TNRC6B: variants seen among roughly 807,000 people sequenced by gnomAD.
TNRC6B encodes trinucleotide repeat-containing gene 6B protein.
A neutral mutation model predicts 203.6 loss-of-function variants in TNRC6B; 52 were observed. The observed-to-expected ratio is 0.26, with a 90% CI of 0.20 to 0.32. The LOEUF is 0.32. Ranked by LOEUF, TNRC6B falls within the 10% of genes least tolerant of loss-of-function variation. The pLI is 1.00. For synonymous variants in TNRC6B, 838 were observed against 845.7 expected, an observed-to-expected ratio of 0.99 and a Z score of 0.16; for missense variants, 1,923 against 2,286.2, an observed-to-expected ratio of 0.84 and a Z score of 3.24.
intron 1 of TNRC6B, among the ~76,000 whole-genome samples, chr22:40,207,479 T>C (rs1422563328): frequency 6.7e-6 from 1 of 149,200 alleles, no homozygotes; most frequent in African/African-American, 2.4e-5. Context: ...AATGAAAAAG[T>C]TGATACATGT....
At chr22:40,086,401 A>G (rs923244899) in intron 1 of TNRC6B, among the ~76,000 whole-genome samples, 3 of 152,168 alleles carry the variant, frequency 2.0e-5, no homozygotes, top group African/African-American at 7.2e-5. Context: ...ATTATTTTTT[A>G]TTGATGCTCA....
At chr22:40,258,070 C>T (rs1261911082) in intron 3 of TNRC6B, among the ~76,000 whole-genome samples, 1 of 58,710 alleles carries the variant, frequency 1.7e-5, no homozygotes, top group Non-Finnish European at 4.3e-5. Context: ...GGATACACAG[C>T]CTTTTTTTTT....
intron 1 of TNRC6B, among the ~76,000 whole-genome samples, chr22:40,082,910 A>G (rs112040221): frequency 0.012 from 1,790 of 152,300 alleles, 35 homozygotes; most frequent in African/African-American, 0.041. Flanking sequence ...TTAAAATTTG[A>G]TTATATTAAG....
chr22:40,242,363 A>G (rs1015686719), intron 1 of TNRC6B, among the ~76,000 whole-genome samples: 123 of 152,148 alleles, frequency 8.1e-4, no homozygotes, highest in African/African-American at 2.6e-3. Flanking sequence ...AGTTTTCTCC[A>G]TTTTCTTCCA....
intron 1 of TNRC6B, among the ~76,000 whole-genome samples, chr22:40,116,867 T>C (rs556928558): frequency 3.3e-5 from 5 of 152,256 alleles, no homozygotes; most frequent in Admixed American, 3.3e-4. Flanking sequence ...AAGAACCCTA[T>C]GAAGAAGGTG....
chr22:40,264,965 C>T lies in TNRC6B; in HGVS notation c.735C>T (p.Cys245=). ...TTSNKGKGSQ[C]QSASSGNECN... ...GTAACAAAGGAAAAGGGAGCCAGTG[C>T]CAGTCTGCAAGTTCTGGGAACGAAT... is the stretch of plus-strand genomic sequence containing the variant. The change falls in exon 5 of 23, where the codon TGC becomes TGT. Residue 245 remains cysteine, a synonymous_variant. Transcript: ENST00000454349. 4.3e-6 allele frequency: 7 copies of T among 1,613,898 alleles called. No homozygotes were observed. The highest frequency in any genetic ancestry group is 1.3e-5 in the African/African-American group (1 of 75,028).
At chr22:40,170,823 GTGTATATACATA>G (rs1469075650) in intron 4 of TNRC6B, among the ~76,000 whole-genome samples, 18 of 56,782 alleles carry the variant, frequency 3.2e-4, no homozygotes, top group East Asian at 2.9e-4. Flanking sequence ...ATATATGTGT[GTGTATATACATA>G]TATGTACATA....
intron 1 of TNRC6B, among the ~76,000 whole-genome samples, chr22:40,185,388 C>T (rs2069187344): frequency 1.3e-5 from 2 of 152,140 alleles, no homozygotes; most frequent in Admixed American, 1.3e-4. Context: ...TAAGGGAATA[C>T]TGTACTATTT....
chr22:40,278,715 A>G (rs1327176013), intron 9 of TNRC6B, among the ~76,000 whole-genome samples: 1 of 152,154 alleles, frequency 6.6e-6, no homozygotes, highest in Admixed American at 6.5e-5. Flanking sequence ...AAATTCAGAT[A>G]TATACTGGCA....
chr22:40,309,554 A>G (rs567519592), intron 16 of TNRC6B, among the ~76,000 whole-genome samples: 3 of 152,344 alleles, frequency 2.0e-5, no homozygotes, highest in African/African-American at 7.2e-5. Context: ...TGAAATTGTA[A>G]AATCTGTTTG....
At chr22:40,137,476 G>A (rs949565185) in intron 3 of TNRC6B, among the ~76,000 whole-genome samples, 5 of 152,134 alleles carry the variant, frequency 3.3e-5, no homozygotes, top group South Asian at 4.1e-4. Context: ...TAGAACTATA[G>A]ACTTCTATAG....
Position 40,133,991 on chromosome 22 carries a change from A to C in TNRC6B, c.45+8129A>C, listed in dbSNP as rs891653020. On this transcript the variant is annotated intron_variant, in intron 3 of 23. Coordinates refer to the TNRC6B transcript ENST00000301923. ...GTCTCAAAAAAAAAAAAAAAAAAAAAAAAAAACAGGTAATATGCGATGGGA... is the reference window on the plus strand; with the variant it reads ...GTCTCAAAAAAAAAAAAAAAAAAAACAAAAAACAGGTAATATGCGATGGGA... Among the ~76,000 whole-genome samples the C allele has an allele frequency of 5.3e-5, 8 of 151,304 alleles. 1 individual carries two copies. The highest frequency in any genetic ancestry group is 4.0e-4 in the Admixed American group (6 of 15,172).
intron 1 of TNRC6B, among the ~76,000 whole-genome samples, chr22:40,220,358 A>G (rs1227840491): frequency 6.6e-6 from 1 of 152,014 alleles, no homozygotes; most frequent in Non-Finnish European, 1.5e-5. Flanking sequence ...ACTCAGGTGC[A>G]TTTTCCATTC....
chr22:40,278,556 C>CA (rs34010156), intron 9 of TNRC6B, among the ~76,000 whole-genome samples: 1,461 of 78,488 alleles, frequency 0.019, 12 homozygotes, highest in African/African-American at 0.044. Context: ...GACTCAGTCT[C>CA]AAAAAAAAAA....
At position 40,264,741 on chromosome 22, in the gene TNRC6B, TCG is replaced by T. The variant is rs756541547; in HGVS notation, c.512_513del (p.Ser171TrpfsTer25). ...ASNYANSTWG[S>X]GASSNNGTSP... ...AAATTATGCAAATTCCACTTGGGGC[TCG>T]GGAGCCTCCTCCAACAACGGCACCT... On this transcript the variant is annotated frameshift_variant, in exon 5 of 23. Transcript: ENST00000454349. LOFTEE classifies it high-confidence loss of function. 2.2e-5 allele frequency: 36 copies of T among 1,610,400 alleles called. No homozygotes were observed. The African/African-American group carries it at 3.3e-4, about 15-fold the overall frequency.
intron 3 of TNRC6B, chr22:40,253,540 T>A: frequency 4.4e-6 from 2 of 455,070 alleles, no homozygotes; most frequent in Non-Finnish European, 8.8e-6. Context: ...TTCTCATACC[T>A]ACTATATAAT....
At chr22:40,089,119 A>C (rs1481702742) in intron 1 of TNRC6B, among the ~76,000 whole-genome samples, 1 of 152,246 alleles carries the variant, frequency 6.6e-6, no homozygotes. Flanking sequence ...ATTATGTGGT[A>C]CTTTATAATT....
At chr22:40,305,022 CAG>C (rs1408145083) in intron 15 of TNRC6B, among the ~76,000 whole-genome samples, 3 of 152,062 alleles carry the variant, frequency 2.0e-5, no homozygotes, top group African/African-American at 7.3e-5. Context: ...GAACTGTAAA[CAG>C]AGAGAGTGAA....
chr22:40,322,379 G>T (rs1341843036), intron 22 of TNRC6B, among the ~76,000 whole-genome samples: 1 of 152,126 alleles, frequency 6.6e-6, no homozygotes, highest in African/African-American at 2.4e-5. Context: ...AAAGTCTGTA[G>T]TTTACATTAG....
Sources: gnomAD v4.1 joint callset for allele counts (sites outside exome capture counted in the v4.1 genomes callset) on GRCh38, gnomAD v4.1.1 for gene constraint, MANE v1.5 for transcripts, NCBI Gene and HGNC (gene_info 2026-07-23, HGNC 2026-07-21) for gene names.